DPYD: variants seen among roughly 807,000 people sequenced by gnomAD.
The protein encoded by DPYD is dihydropyrimidine dehydrogenase [NADP(+)].
A neutral mutation model predicts 116.2 loss-of-function variants in DPYD; 109 were observed. The observed-to-expected ratio is 0.94, with a 90% CI of 0.80 to 1.10. The LOEUF is 1.10. Ranked by LOEUF, DPYD falls within the 50% of genes least tolerant of loss-of-function variation. DPYD has a pLI of 0.00. For missense variants in DPYD, 1,302 were observed against 1,254.5 expected (o/e 1.04, Z -0.57); for synonymous variants, 440 against 432.0 (o/e 1.02, Z -0.23).
intron 6 of DPYD, among the ~76,000 whole-genome samples, chr1:97,693,272 C>A (rs112704985): frequency 6.2e-5 from 7 of 112,950 alleles, no homozygotes; most frequent in Non-Finnish European, 3.3e-5. Flanking sequence ...GCCTGGGCGA[C>A]AGAGCCAGAC....
chr1:97,221,540 T>A (rs983504273), intron 19 of DPYD, among the ~76,000 whole-genome samples: 2 of 152,138 alleles, frequency 1.3e-5, no homozygotes, highest in African/African-American at 4.8e-5. Flanking sequence ...TTAATACTCT[T>A]TATAATATAT....
chr1:97,199,226 T>C (rs1659031831), intron 19 of DPYD, among the ~76,000 whole-genome samples: 1 of 152,158 alleles, frequency 6.6e-6, no homozygotes, highest in African/African-American at 2.4e-5. Flanking sequence ...GAGGGAGTAA[T>C]ATTCTTACTT....
chr1:97,458,649 C>T (rs1293153875), intron 13 of DPYD, among the ~76,000 whole-genome samples: 1 of 152,028 alleles, frequency 6.6e-6, no homozygotes, highest in Non-Finnish European at 1.5e-5. Context: ...AATATAGGAC[C>T]AAGAAAGAGT....
chr1:97,229,548 A>ATG (rs1661440136), intron 19 of DPYD, among the ~76,000 whole-genome samples: 1 of 20,766 alleles, frequency 4.8e-5, no homozygotes, highest in Non-Finnish European at 7.5e-5. Context: ...CATCCTAAGT[A>ATG]TATATATATA....
intron 20 of DPYD, among the ~76,000 whole-genome samples, chr1:97,189,198 G>T (rs1053990362): frequency 6.6e-6 from 1 of 152,126 alleles, no homozygotes; most frequent in Non-Finnish European, 1.5e-5. Context: ...AAAGGAAGCA[G>T]ACTTACAAAA....
intron 14 of DPYD, among the ~76,000 whole-genome samples, chr1:97,398,614 C>A (rs1344596689): frequency 1.3e-5 from 2 of 152,086 alleles, no homozygotes; most frequent in African/African-American, 2.4e-5. Flanking sequence ...CCTGTTGTTT[C>A]CTGACTTTTT....
intron 16 of DPYD, among the ~76,000 whole-genome samples, chr1:97,330,423 T>C (rs893665125): frequency 6.6e-6 from 1 of 152,170 alleles, no homozygotes; most frequent in Non-Finnish European, 1.5e-5. Flanking sequence ...GCATGTTATA[T>C]AACCAGTCTG....
At chr1:97,807,318 A>T (rs1169526136) in intron 3 of DPYD, among the ~76,000 whole-genome samples, 1 of 152,016 alleles carries the variant, frequency 6.6e-6, no homozygotes, top group Admixed American at 6.6e-5. Flanking sequence ...ATTCTCATCA[A>T]CATTTGGTTG....
chr1:97,476,343 C>T (rs1461841371), intron 13 of DPYD, among the ~76,000 whole-genome samples: 4 of 151,900 alleles, frequency 2.6e-5, no homozygotes, highest in African/African-American at 9.7e-5. Context: ...GTGTTCAAAA[C>T]CAATGAGAAA....
At chr1:97,897,830 T>C (rs1461604854) in intron 1 of DPYD, among the ~76,000 whole-genome samples, 3 of 151,940 alleles carry the variant, frequency 2.0e-5, no homozygotes, top group Non-Finnish European at 4.4e-5. Flanking sequence ...TTTGTCTCAA[T>C]ACATTAATTT....
At chr1:97,691,653 C>G (rs182355764) in intron 7 of DPYD, 64 bp downstream of exon 7, 6 of 1,345,770 alleles carry the variant, frequency 4.5e-6, no homozygotes, top group African/African-American at 4.3e-5. Context: ...TGCTGTTAAT[C>G]TTTAGTGTAG....
intron 19 of DPYD, among the ~76,000 whole-genome samples, chr1:97,215,810 T>C (rs1475019937): frequency 6.6e-6 from 1 of 152,188 alleles, no homozygotes; most frequent in Non-Finnish European, 1.5e-5. Context: ...TTGTGTGGTA[T>C]AAGATACTTG....
At chr1:97,761,620 T>C (rs1665579684) in intron 3 of DPYD, among the ~76,000 whole-genome samples, 2 of 152,086 alleles carry the variant, frequency 1.3e-5, no homozygotes. Flanking sequence ...GTGTGGCAAT[T>C]CCGTAACTGA....
intron 2 of DPYD, among the ~76,000 whole-genome samples, chr1:97,850,346 G>C (rs560653303): frequency 6.6e-6 from 1 of 152,220 alleles, no homozygotes; most frequent in South Asian, 2.1e-4. Flanking sequence ...AATTTTCTCT[G>C]TTACTTAACT....
chr1:97,773,956 T>C (rs942192781), intron 3 of DPYD, among the ~76,000 whole-genome samples: 1 of 152,180 alleles, frequency 6.6e-6, no homozygotes, highest in African/African-American at 2.4e-5. Context: ...GAAGGTCTAA[T>C]TGGGCTGATT....
At chr1:97,767,062 T>C (rs1450019734) in intron 3 of DPYD, among the ~76,000 whole-genome samples, 6 of 152,302 alleles carry the variant, frequency 3.9e-5, no homozygotes, top group African/African-American at 1.4e-4. Context: ...AACATTTTTC[T>C]AGCATGATTT....
chr1:97,339,391 T>G lies in DPYD; in HGVS notation c.2059-33094A>C, dbSNP rs540737802. On this transcript the variant is annotated intron_variant, in intron 16 of 22. Transcript: ENST00000370192. ...ACATAATCAGGGAAAATGTCTGACC[T>G]CCAATGCTAATGAAAAAAATTCTTT... Among the ~76,000 whole-genome samples the G allele has an allele frequency of 2.8e-3, 420 of 152,190 alleles. 2 individuals carry two copies. The highest frequency in any genetic ancestry group is 9.7e-3 in the African/African-American group (403 of 41,548).
intron 13 of DPYD, among the ~76,000 whole-genome samples, chr1:97,505,960 A>G (rs1482428418): frequency 6.6e-6 from 1 of 151,928 alleles, no homozygotes; most frequent in African/African-American, 2.4e-5. Flanking sequence ...GGGTAAGAAA[A>G]GGTAATTGGT....
chr1:97,454,341 G>A (rs940281000), intron 13 of DPYD, among the ~76,000 whole-genome samples: 2 of 151,800 alleles, frequency 1.3e-5, no homozygotes, highest in Non-Finnish European at 2.9e-5. Context: ...CTTTTGACCT[G>A]GGAAGACTAG....
Sources: gnomAD v4.1 joint callset for allele counts (sites outside exome capture counted in the v4.1 genomes callset) on GRCh38, gnomAD v4.1.1 for gene constraint, MANE v1.5 for transcripts, NCBI Gene and HGNC (gene_info 2026-07-23, HGNC 2026-07-21) for gene names.